Variants in PSPC1 observed in about 807,000 individuals in gnomAD.
The protein encoded by PSPC1 is paraspeckle component 1, also known as paraspeckle protein 1.
PSPC1 carries 14 observed loss-of-function variants against 51.6 expected under a neutral mutation model. The ratio of observed to expected loss-of-function variants is 0.27; its 90% CI spans 0.18 to 0.42. PSPC1 has a LOEUF of 0.42. PSPC1 is among the 10% of genes least tolerant of loss of function. The pLI is 1.00. For synonymous variants in PSPC1, 193 were observed against 231.9 expected, an observed-to-expected ratio of 0.83 and a Z score of 1.53; for missense variants, 406 against 701.1, an observed-to-expected ratio of 0.58 and a Z score of 4.75.
At chr13:19,705,538 C>T in intron 8 of PSPC1, 124 bp downstream of exon 8, 3 of 692,822 alleles carry the variant, frequency 4.3e-6, no homozygotes, top group Non-Finnish European at 6.5e-6. Context: ...TATGATGTCA[C>T]AAAATTTTCT....
At chr13:19,692,360 C>T (rs1013163736) in intron 6 of PSPC1, among the ~76,000 whole-genome samples, 1 of 152,146 alleles carries the variant, frequency 6.6e-6, no homozygotes, top group African/African-American at 2.4e-5. Context: ...AAGTGATCCA[C>T]CCACCTTGAC....
chr13:19,743,850 G>A (rs1354438082), intron 4 of PSPC1, among the ~76,000 whole-genome samples: 1 of 152,116 alleles, frequency 6.6e-6, no homozygotes, highest in East Asian at 1.9e-4. Context: ...GCTCACACCT[G>A]TAATCCCAGC....
chr13:19,711,218 T>C lies in PSPC1; in HGVS notation c.1159-1619A>G, dbSNP rs562337775. ...CCATTAATGGATACTATTGCTGACC[T>C]GCAAAAAAAGCTAGACTGAGGCGGG... On this transcript the variant is annotated intron_variant, in intron 6 of 8. Coordinates refer to ENST00000338910, the MANE Select transcript of PSPC1 (RefSeq NM_001354909.2). Among the ~76,000 whole-genome samples the C allele has an allele frequency of 9.9e-5, 15 of 152,282 alleles. No homozygotes were observed. In the South Asian group the frequency reaches 2.1e-3, roughly 21 times the overall value.
chr13:19,775,481 A>G (rs916217000), intron 1 of PSPC1, among the ~76,000 whole-genome samples: 3 of 152,220 alleles, frequency 2.0e-5, no homozygotes, highest in Non-Finnish European at 1.5e-5. Flanking sequence ...GGAGGATTGC[A>G]TGGGTAACAT....
intron 5 of PSPC1, among the ~76,000 whole-genome samples, chr13:19,736,772 T>C (rs1884880922): frequency 6.6e-6 from 1 of 152,212 alleles, no homozygotes; most frequent in Non-Finnish European, 1.5e-5. Context: ...GTATCCTCTA[T>C]GTGCCTCACG....
rs534794175 is a variant in PSPC1 at position 19,690,619 on chromosome 13, C to T, written c.1159-12796G>A. On this transcript the variant is annotated intron_variant and NMD_transcript_variant, in intron 6 of 7. Transcript: ENST00000471658. ...GGTCTTCTTACTGCTTGGGGTTCCA[C>T]CAAGACCAAACGCCATTGTATTTGG... Among the ~76,000 whole-genome samples the T allele has an allele frequency of 9.3e-4, 141 of 152,284 alleles. 1 individual carries two copies. Among genetic ancestry groups the T allele is most frequent in the Middle Eastern group, 3.4e-3 (1 of 294 alleles).
Position 19,736,367 on chromosome 13 carries a change from T to TA in PSPC1, c.1052+5197dup, listed in dbSNP as rs200121039. On this transcript the variant is annotated intron_variant, in intron 5 of 8. Transcript: ENST00000338910. ...GCCCCTGTATACTGAGATTACATAA[T>TA]AAAAAAAATCACGCAATAAAAAATT... Among the ~76,000 whole-genome samples the TA allele has an allele frequency of 4.8e-3, 732 of 151,808 alleles. 5 individuals carry two copies. Among genetic ancestry groups the TA allele is most frequent in the Non-Finnish European group, 7.4e-3 (503 of 67,938 alleles).
intron 6 of PSPC1, among the ~76,000 whole-genome samples, chr13:19,714,288 T>C (rs527569329): frequency 5.9e-5 from 9 of 152,340 alleles, no homozygotes; most frequent in Admixed American, 1.3e-4. Flanking sequence ...ACTATAATTA[T>C]TGGCTTGAGT....
At chr13:19,744,003 G>A (rs1885698660) in intron 4 of PSPC1, among the ~76,000 whole-genome samples, 1 of 152,138 alleles carries the variant, frequency 6.6e-6, no homozygotes, top group South Asian at 2.1e-4. Context: ...AGCTACTCAG[G>A]AGGCTTAGGC....
chr13:19,686,815 CTT>C (rs1272526042), intron 6 of PSPC1, among the ~76,000 whole-genome samples: 2 of 152,114 alleles, frequency 1.3e-5, no homozygotes, highest in African/African-American at 4.8e-5. Flanking sequence ...ATTTAGGTAA[CTT>C]TTAAGTTTGA....
chr13:19,704,720 CTAATA>C (rs1880430916), intron 8 of PSPC1, among the ~76,000 whole-genome samples: 1 of 152,064 alleles, frequency 6.6e-6, no homozygotes, highest in Non-Finnish European at 1.5e-5. Context: ...ATTCTTGCTA[CTAATA>C]TATTTAAATA....
chr13:19,736,226 A>G (rs903955183), intron 5 of PSPC1, among the ~76,000 whole-genome samples: 2 of 152,142 alleles, frequency 1.3e-5, no homozygotes, highest in Admixed American at 1.3e-4. Context: ...TAAGATTGTA[A>G]CAGATTTATT....
chr13:19,760,162 C>A (rs2138203442), intron 2 of PSPC1, among the ~76,000 whole-genome samples: 1 of 152,256 alleles, frequency 6.6e-6, no homozygotes, highest in South Asian at 2.1e-4. Context: ...ACATGTCCCA[C>A]CACCTCAACC....
chr13:19,725,134 G>A (rs1448049573), intron 6 of PSPC1, among the ~76,000 whole-genome samples: 2 of 152,152 alleles, frequency 1.3e-5, no homozygotes, highest in Admixed American at 6.5e-5. Flanking sequence ...CCAAGATCAC[G>A]CCACTGAACT....
chr13:19,771,730 T>G (rs1053606651), intron 2 of PSPC1, among the ~76,000 whole-genome samples: 4 of 151,624 alleles, frequency 2.6e-5, no homozygotes, highest in Admixed American at 6.6e-5. Context: ...AAGTGATTCT[T>G]GAGCCTCAGC....
chr13:19,774,018 C>T (rs1888862603), intron 1 of PSPC1, among the ~76,000 whole-genome samples: 1 of 152,112 alleles, frequency 6.6e-6, no homozygotes, highest in South Asian at 2.1e-4. Context: ...CTCACTATTA[C>T]ATGAAGAGAA....
At chr13:19,779,962 G>A (rs1889732156) in intron 1 of PSPC1, among the ~76,000 whole-genome samples, 1 of 145,556 alleles carries the variant, frequency 6.9e-6, no homozygotes, top group African/African-American at 2.5e-5. Flanking sequence ...GGGAGGTGGG[G>A]GGGTCGGCCC....
At chr13:19,745,625 T>C (rs1566021157) in intron 4 of PSPC1, among the ~76,000 whole-genome samples, 1 of 151,580 alleles carries the variant, frequency 6.6e-6, no homozygotes, top group Admixed American at 6.6e-5. Flanking sequence ...ATTAATTTTT[T>C]TTTTTTTTTT....
chr13:19,688,037 G>A (rs1382884519), intron 6 of PSPC1, among the ~76,000 whole-genome samples: 1 of 151,862 alleles, frequency 6.6e-6, no homozygotes, highest in East Asian at 1.9e-4. Flanking sequence ...ATTTGAAGTT[G>A]ATACCTAGGT....
Sources: gnomAD v4.1 joint callset for allele counts (sites outside exome capture counted in the v4.1 genomes callset) on GRCh38, gnomAD v4.1.1 for gene constraint, MANE v1.5 for transcripts, NCBI Gene and HGNC (gene_info 2026-07-23, HGNC 2026-07-21) for gene names.